Variants in RAD21 observed in about 807,000 individuals in gnomAD.
The protein encoded by RAD21 is RAD21 cohesin complex component, also known as double-strand-break repair protein rad21 homolog.
A neutral mutation model predicts 71.5 loss-of-function variants in RAD21; 18 were observed. The ratio of observed to expected loss-of-function variants is 0.25; its 90% CI spans 0.17 to 0.37. The LOEUF (loss-of-function observed/expected upper bound fraction) is 0.37. Among genes scored for constraint, RAD21 ranks in the 10% least tolerant of loss-of-function variants. The pLI is 1.00. For missense variants in RAD21, 493 were observed against 769.1 expected (o/e 0.64, Z 4.25); for synonymous variants, 248 against 254.0 (o/e 0.98, Z 0.22).
chr8:116,860,806 T>C (rs1188747399), intron 4 of RAD21, among the ~76,000 whole-genome samples: 1 of 152,132 alleles, frequency 6.6e-6, no homozygotes, highest in African/African-American at 2.4e-5. Context: ...AAAGGTGTGA[T>C]GGGTCATGGA....
chr8:116,866,553 C>A, intron 2 of RAD21, 33 bp downstream of exon 2: 2 of 1,573,456 alleles, frequency 1.3e-6, no homozygotes, highest in Non-Finnish European at 8.6e-7. Context: ...AAACAATCAA[C>A]AAAGTGAATA....
At chr8:116,866,144 T>A (rs950275153) in intron 2 of RAD21, among the ~76,000 whole-genome samples, 3 of 152,160 alleles carry the variant, frequency 2.0e-5, no homozygotes, top group African/African-American at 7.2e-5. Context: ...GTCTCATTTG[T>A]ATAGTTTTGG....
chr8:116,868,734 G>A (rs921161198), intron 1 of RAD21, among the ~76,000 whole-genome samples: 1 of 151,724 alleles, frequency 6.6e-6, no homozygotes, highest in Non-Finnish European at 1.5e-5. Context: ...CTCAAGATTG[G>A]TATTAGCAGA....
rs1295059676 is a variant in RAD21 at position 116,846,114 on chromosome 8, G to GAA, written c.*1384_*1385dup. The GAA allele has an allele frequency of 8.7e-6, 2 of 230,822 alleles. No individual in the cohort carries two copies. Among genetic ancestry groups the GAA allele is most frequent in the Admixed American group, 5.6e-5 (1 of 17,708 alleles). 14.3% of individuals were successfully genotyped at this position (230,822 alleles called of 1,614,324 possible). ...TCTACAATGTCTTTTTACAAACGGG[G>GAA]AAAACTCCTTGGTTTACAGGCACAT... On this transcript the variant is annotated 3_prime_UTR_variant, in exon 14 of 14. Transcript: ENST00000297338.
At chr8:116,870,377 G>A (rs1018882228) in intron 1 of RAD21, among the ~76,000 whole-genome samples, 2 of 152,202 alleles carry the variant, frequency 1.3e-5, no homozygotes, top group African/African-American at 4.8e-5. Flanking sequence ...TTAAAAAAAA[G>A]AAATTAAAGA....
At position 116,851,959 on chromosome 8, in the gene RAD21, G is replaced by A. The variant is rs1465242873; in HGVS notation, c.1459C>T (p.Pro487Ser). 3.1e-6 allele frequency: 5 copies of A among 1,607,956 alleles called. No homozygotes were observed. Among genetic ancestry groups the A allele is most frequent in the Non-Finnish European group, 4.3e-6 (5 of 1,175,600 alleles). Residue 487 changes from proline (P) to serine (S), a missense_variant, in exon 11 of 14, where the codon CCT becomes TCT. Transcript: ENST00000297338. ...KRKAGQIDPE[P>S]VMPPQQVEQM... is the part of the protein sequence containing the mutation. ...ATTTGCTTACTTACAGGCATCACAG[G>A]CTCTGGGTCAATTTGTCCAGCTTTT...
intron 1 of RAD21, among the ~76,000 whole-genome samples, chr8:116,868,126 T>C (rs1812735042): frequency 6.6e-6 from 1 of 152,176 alleles, no homozygotes; most frequent in Admixed American, 6.5e-5. Flanking sequence ...CACTGCAGCC[T>C]TGAACTCCTA....
intron 5 of RAD21, 147 bp downstream of exon 5, chr8:116,858,205 G>A (rs970203561): frequency 3.2e-6 from 2 of 620,144 alleles, no homozygotes; most frequent in Non-Finnish European, 5.5e-6. Context: ...TTAATCTACT[G>A]GTAGAAAGCC....
intron 1 of RAD21, chr8:116,874,163 G>GCGCCGGGCCCGCCAC (rs1563696899): frequency 6.6e-6 from 1 of 151,722 alleles, no homozygotes; most frequent in East Asian, 1.9e-4. Context: ...GGCACCGCGG[G>GCGCCGGGCCCGCCAC]CGCCGGGCCC....
At chr8:116,873,553 T>G (rs890698456) in intron 1 of RAD21, among the ~76,000 whole-genome samples, 2 of 152,116 alleles carry the variant, frequency 1.3e-5, no homozygotes, top group African/African-American at 4.8e-5. Context: ...CTAACCAGTA[T>G]AATGACAACA....
At chr8:116,862,440 G>T (rs186216742) in intron 3 of RAD21, among the ~76,000 whole-genome samples, 1 of 152,020 alleles carries the variant, frequency 6.6e-6, no homozygotes, top group Non-Finnish European at 1.5e-5. Flanking sequence ...AAGTATTGTA[G>T]TCTTTTTCTA....
At chr8:116,871,439 C>T (rs1338345384) in intron 1 of RAD21, among the ~76,000 whole-genome samples, 2 of 151,980 alleles carry the variant, frequency 1.3e-5, no homozygotes, top group African/African-American at 4.8e-5. Flanking sequence ...TTCAAGAATA[C>T]AAAAAATGGC....
intron 5 of RAD21, among the ~76,000 whole-genome samples, chr8:116,857,957 A>C (rs3020117): frequency 0.7 from 106,791 of 152,104 alleles, 38,707 homozygotes; most frequent in African/African-American, 0.89. Flanking sequence ...GCACTCCAGC[A>C]TGGATAACAC....
rs16889037 is a variant in RAD21, at chr8:116,866,399, T to A, written c.144+187A>T. ...AATATATGCACTTAGAGATTTTTTT[T>A]AAAATCTAATCTGTAATCATATCAA... On this transcript the variant is annotated intron_variant, in intron 2 of 13. Transcript: ENST00000297338. Among the ~76,000 whole-genome samples, 4,575 of 152,200 alleles carry A rather than the reference T, an allele frequency of 0.03. 93 individuals are homozygous for A. The highest frequency in any genetic ancestry group is 0.082 in the Middle Eastern group (24 of 294).
chr8:116,867,618 G>C (rs967750083), intron 1 of RAD21, among the ~76,000 whole-genome samples: 1 of 152,136 alleles, frequency 6.6e-6, no homozygotes, highest in Admixed American at 6.5e-5. Flanking sequence ...TTCAGAGAAT[G>C]AATTTCCAGA....
chr8:116,859,877 C>G (rs750907954), intron 4 of RAD21, among the ~76,000 whole-genome samples: 1 of 152,024 alleles, frequency 6.6e-6, no homozygotes, highest in Non-Finnish European at 1.5e-5. Context: ...GCCTCTTGCA[C>G]CAAACAGCCA....
At chr8:116,852,459 C>A (rs1226002120) in intron 10 of RAD21, 90 bp downstream of exon 10, 1 of 1,323,294 alleles carries the variant, frequency 7.6e-7, no homozygotes, top group Admixed American at 2.4e-5. Flanking sequence ...TCTTTGATTC[C>A]TCATTTCTTT....
chr8:116,860,232 T>C (rs1028438999), intron 4 of RAD21, among the ~76,000 whole-genome samples: 3 of 152,228 alleles, frequency 2.0e-5, no homozygotes, highest in Admixed American at 2.0e-4. Context: ...AGATGGAATC[T>C]ACTCCTAGTG....
intron 1 of RAD21, among the ~76,000 whole-genome samples, chr8:116,872,361 C>CA (rs1586280384): frequency 6.6e-6 from 1 of 151,872 alleles, no homozygotes; most frequent in Non-Finnish European, 1.5e-5. Context: ...AGGTTAAGTG[C>CA]AAAAAAGTTG....
Sources: allele counts gnomAD v4.1 joint callset (sites outside exome capture counted in the v4.1 genomes callset), GRCh38; gene constraint gnomAD v4.1.1; transcripts MANE v1.5; gene names NCBI Gene and HGNC (gene_info 2026-07-23, HGNC 2026-07-21).